The following CAMK2D variants were observed in gnomAD, a reference collection of about 807,000 sequenced individuals.
The protein encoded by CAMK2D is calcium/calmodulin-dependent protein kinase type II subunit delta.
A neutral mutation model predicts 84.0 loss-of-function variants in CAMK2D; 37 were observed. The observed-to-expected ratio is 0.44, with a 90% CI of 0.34 to 0.58. The LOEUF (loss-of-function observed/expected upper bound fraction) is 0.58, where lower values mean the gene tolerates loss of function less well. Among genes scored for constraint, CAMK2D ranks in the 20% least tolerant of loss-of-function variants. The pLI is 0.02. For missense variants in CAMK2D, 448 were observed against 652.5 expected (o/e 0.69, Z 3.41); for synonymous variants, 202 against 212.5 (o/e 0.95, Z 0.43).
At chr4:113,686,173 C>T (rs568226355) in intron 2 of CAMK2D, among the ~76,000 whole-genome samples, 1 of 152,024 alleles carries the variant, frequency 6.6e-6, no homozygotes, top group East Asian at 1.9e-4. Context: ...TAATTTTTAT[C>T]TTGAAAGAAA....
chr4:113,583,753 G>A (rs78104435), intron 4 of CAMK2D, among the ~76,000 whole-genome samples: 3 of 152,226 alleles, frequency 2.0e-5, no homozygotes, highest in Non-Finnish European at 4.4e-5. Flanking sequence ...ACTTACTGAA[G>A]TTATTTAATT....
At chr4:113,620,833 T>C (rs935892712) in intron 3 of CAMK2D, among the ~76,000 whole-genome samples, 1 of 152,224 alleles carries the variant, frequency 6.6e-6, no homozygotes, top group Non-Finnish European at 1.5e-5. Flanking sequence ...GTAAATTATA[T>C]TTTTAAGAAC....
chr4:113,526,738 A>T (rs149786156), intron 8 of CAMK2D, among the ~76,000 whole-genome samples: 1 of 152,254 alleles, frequency 6.6e-6, no homozygotes, highest in South Asian at 2.1e-4. Context: ...TAATATTAAA[A>T]TTGAACATAG....
chr4:113,590,271 G>A (rs1561196746), intron 4 of CAMK2D, among the ~76,000 whole-genome samples: 1 of 152,166 alleles, frequency 6.6e-6, no homozygotes, highest in Non-Finnish European at 1.5e-5. Context: ...AGATCTATCT[G>A]ATAGGGAAGA....
chr4:113,598,658 A>C (rs2098938179), intron 4 of CAMK2D, among the ~76,000 whole-genome samples: 1 of 152,228 alleles, frequency 6.6e-6, no homozygotes. Context: ...TCTGTTATCC[A>C]AAATATACAA....
intron 2 of CAMK2D, among the ~76,000 whole-genome samples, chr4:113,676,740 T>C (rs557872130): frequency 2.0e-5 from 3 of 152,172 alleles, no homozygotes; most frequent in East Asian, 1.9e-4. Context: ...GGATGGAAAT[T>C]TGAGCCAAAG....
chr4:113,462,870 AAAG>A (rs2097406216), intron 17 of CAMK2D, among the ~76,000 whole-genome samples: 3 of 152,168 alleles, frequency 2.0e-5, no homozygotes, highest in African/African-American at 7.2e-5. Context: ...ATTTTTTAAA[AAAG>A]AGAATAATCT....
chr4:113,670,639 A>C (rs2099277195), intron 2 of CAMK2D, among the ~76,000 whole-genome samples: 1 of 152,138 alleles, frequency 6.6e-6, no homozygotes, highest in Admixed American at 6.6e-5. Flanking sequence ...TTTTAGGCAT[A>C]ATAGAGCTAA....
chr4:113,595,020 C>A (rs1273624329), intron 4 of CAMK2D, among the ~76,000 whole-genome samples: 1 of 151,810 alleles, frequency 6.6e-6, no homozygotes, highest in Non-Finnish European at 1.5e-5. Context: ...CCTAGGCATA[C>A]CACATTCAAA....
intron 2 of CAMK2D, among the ~76,000 whole-genome samples, chr4:113,728,968 T>A (rs2099554254): frequency 6.6e-6 from 1 of 152,170 alleles, no homozygotes; most frequent in Non-Finnish European, 1.5e-5. Context: ...AAAACTAATT[T>A]CTTGCCACAG....
intron 3 of CAMK2D, among the ~76,000 whole-genome samples, chr4:113,616,323 A>AT (rs2099020901): frequency 6.6e-6 from 1 of 152,208 alleles, no homozygotes; most frequent in South Asian, 2.1e-4. Flanking sequence ...AGGTCAAAGC[A>AT]TATCAACTCT....
At chr4:113,700,945 T>C (rs552197722) in intron 2 of CAMK2D, among the ~76,000 whole-genome samples, 52 of 152,308 alleles carry the variant, frequency 3.4e-4, no homozygotes, top group Admixed American at 2.9e-3. Context: ...ATCAGAGTAA[T>C]TTCAAGTTCT....
At chr4:113,476,474 A>G (rs1305271560) in intron 16 of CAMK2D, among the ~76,000 whole-genome samples, 1 of 152,112 alleles carries the variant, frequency 6.6e-6, no homozygotes, top group African/African-American at 2.4e-5. Flanking sequence ...CTGGGTGTAA[A>G]CCAAGCCAAC....
intron 2 of CAMK2D, among the ~76,000 whole-genome samples, chr4:113,667,362 G>C (rs566030333): frequency 6.6e-6 from 1 of 152,182 alleles, no homozygotes; most frequent in African/African-American, 2.4e-5. Flanking sequence ...CGGAGAAATA[G>C]AGAAAACAAA....
chr4:113,732,577 T>C (rs1422939999), intron 2 of CAMK2D, among the ~76,000 whole-genome samples: 1 of 152,218 alleles, frequency 6.6e-6, no homozygotes, highest in African/African-American at 2.4e-5. Context: ...ATCAATTACA[T>C]GATAATTCAC....
At chr4:113,487,967 T>C (rs2097781988) in intron 16 of CAMK2D, among the ~76,000 whole-genome samples, 1 of 152,064 alleles carries the variant, frequency 6.6e-6, no homozygotes, top group African/African-American at 2.4e-5. Context: ...TCTGCTGTTA[T>C]GAGGAAACCT....
intron 2 of CAMK2D, among the ~76,000 whole-genome samples, chr4:113,699,306 C>T (rs141933326): frequency 3.3e-5 from 5 of 151,636 alleles, no homozygotes; most frequent in African/African-American, 9.7e-5. Context: ...TATGATACCA[C>T]CCACATACCT....
chr4:113,568,429 TA>T (rs2098736150), intron 4 of CAMK2D, among the ~76,000 whole-genome samples: 1 of 152,254 alleles, frequency 6.6e-6, no homozygotes, highest in Non-Finnish European at 1.5e-5. Flanking sequence ...TTAAGCTGTG[TA>T]ATATTGCATC....
At chr4:113,542,422 C>G (rs1264306840) in intron 6 of CAMK2D, among the ~76,000 whole-genome samples, 1 of 152,026 alleles carries the variant, frequency 6.6e-6, no homozygotes, top group Non-Finnish European at 1.5e-5. Flanking sequence ...CCATGGTTAA[C>G]AAGAATTTAC....
Sources: allele counts gnomAD v4.1 joint callset (sites outside exome capture counted in the v4.1 genomes callset), GRCh38; gene constraint gnomAD v4.1.1; transcripts MANE v1.5; gene names NCBI Gene and HGNC (gene_info 2026-07-23, HGNC 2026-07-21).